The following TNFRSF11A variants were observed in gnomAD, a reference collection of about 807,000 sequenced individuals.
The protein encoded by TNFRSF11A is tumor necrosis factor receptor superfamily member 11A.
A neutral mutation model predicts 55.7 loss-of-function variants in TNFRSF11A; 32 were observed. The ratio of observed to expected loss-of-function variants is 0.57; its 90% confidence interval spans 0.43 to 0.77. TNFRSF11A has a LOEUF of 0.77. Ranked by LOEUF, TNFRSF11A falls within the 30% of genes least tolerant of loss-of-function variation. The pLI is 0.00. For missense variants in TNFRSF11A, 753 were observed against 809.8 expected, an observed-to-expected ratio of 0.93 and a Z score of 0.85; for synonymous variants, 311 against 331.0, an observed-to-expected ratio of 0.94 and a Z score of 0.65.
At chr18:62,345,533 A>T (rs2046370450) in intron 1 of TNFRSF11A, among the ~76,000 whole-genome samples, 1 of 152,186 alleles carries the variant, frequency 6.6e-6, no homozygotes, top group South Asian at 2.1e-4. Context: ...CAATTTTCCC[A>T]GCAGCAAAAT....
At chr18:62,359,122 G>A (rs992729553) in intron 5 of TNFRSF11A, among the ~76,000 whole-genome samples, 1 of 152,064 alleles carries the variant, frequency 6.6e-6, no homozygotes, top group Non-Finnish European at 1.5e-5. Flanking sequence ...ATGGTGGCAC[G>A]TGCCTGTAAT....
intron 9 of TNFRSF11A, among the ~76,000 whole-genome samples, chr18:62,371,389 T>C (rs1021837984): frequency 3.9e-5 from 6 of 152,204 alleles, no homozygotes; most frequent in East Asian, 1.9e-4. Context: ...ATGGATCTTT[T>C]AATGCCATAA....
intron 9 of TNFRSF11A, among the ~76,000 whole-genome samples, chr18:62,384,333 C>A (rs1911508782): frequency 6.9e-6 from 1 of 145,368 alleles, no homozygotes; most frequent in Non-Finnish European, 1.5e-5. Context: ...CTCTCCTCCT[C>A]CTCCTCTTCC....
intron 8 of TNFRSF11A, chr18:62,367,539 G>A (rs1910178279): frequency 6.6e-6 from 1 of 152,294 alleles, no homozygotes; most frequent in Non-Finnish European, 1.5e-5. Flanking sequence ...CTGTATGTGT[G>A]TATATGAACA....
At chr18:62,365,159 A>T (rs1909987256) in intron 7 of TNFRSF11A, among the ~76,000 whole-genome samples, 1 of 151,870 alleles carries the variant, frequency 6.6e-6, no homozygotes, top group Non-Finnish European at 1.5e-5. Context: ...GTGGGGTTTC[A>T]CCATGTTGCC....
intron 3 of TNFRSF11A, among the ~76,000 whole-genome samples, chr18:62,350,524 C>G (rs2046451872): frequency 6.6e-6 from 1 of 152,060 alleles, no homozygotes; most frequent in African/African-American, 2.4e-5. Context: ...GATCTCCTGA[C>G]CTTGTGATCT....
rs554038325 is a variant in TNFRSF11A, at chr18:62,383,100, A to G, written c.1568-1651A>G. Reference sequence around the variant, plus strand: ...GGGTAGGTGGTAAACAGGAATGCCAACGGGCCTCCCTCATGCTAATTGGGG... The same window carrying G: ...GGGTAGGTGGTAAACAGGAATGCCAGCGGGCCTCCCTCATGCTAATTGGGG... On this transcript the variant is annotated intron_variant, in intron 9 of 9. Coordinates refer to ENST00000586569, the MANE Select transcript of TNFRSF11A (RefSeq NM_003839.4). This position sits in a 1 kb window ranked among gnomAD's most constrained non-coding sequence, Gnocchi z 4.2. 1.3e-5 allele frequency among the ~76,000 whole-genome samples: 2 copies of G among 152,248 alleles called. No homozygotes were observed. The highest frequency in any genetic ancestry group is 2.4e-5 in the African/African-American group (1 of 41,552).
At chr18:62,363,115 A>G (rs549487410) in intron 7 of TNFRSF11A, among the ~76,000 whole-genome samples, 5 of 152,058 alleles carry the variant, frequency 3.3e-5, no homozygotes, top group African/African-American at 2.4e-5. Flanking sequence ...AAGTGCTGGG[A>G]TTACAGGCGT....
rs116478730 is a variant in TNFRSF11A, at chr18:62,339,893, G to A, written c.76-8275G>A. Among the ~76,000 whole-genome samples, 785 of 152,244 alleles carry A rather than the reference G, an allele frequency of 5.2e-3. 11 individuals are homozygous for A. The highest frequency in any genetic ancestry group is 0.018 in the African/African-American group (748 of 41,542). ...ATGTGTGTGGGGAGAGGACTGATTC[G>A]TTATTTGTAATTTTCAGTGAGACCA... On this transcript the variant is annotated intron_variant, in intron 1 of 9. Coordinates refer to ENST00000586569, the MANE Select transcript of TNFRSF11A (RefSeq NM_003839.4).
At position 62,341,452 on chromosome 18, in the gene TNFRSF11A, G is replaced by A. The variant is rs150875260; in HGVS notation, c.76-6716G>A. On this transcript the variant is annotated intron_variant, in intron 1 of 9. Transcript: ENST00000586569. ...TGTCAGGCCTTGAGAACTTGTCTCT[G>A]GGTACCCAGTTTATCTTTTCCATCA... Among the ~76,000 whole-genome samples the A allele has an allele frequency of 1.7e-3, 258 of 152,304 alleles. 1 individual carries two copies. In the East Asian group the frequency reaches 0.022, roughly 13 times the overall value.
rs1911838118 is a variant in TNFRSF11A, at chr18:62,387,829, A to T, written c.*2795A>T. 1 of 152,218 alleles carries T rather than the reference A, an allele frequency of 6.6e-6. No individual in the cohort carries two copies. The highest frequency in any genetic ancestry group is 1.5e-5 in the Non-Finnish European group (1 of 68,052). 9.4% of individuals were successfully genotyped at this position (152,218 alleles called of 1,614,324 possible). Reference sequence around the variant, plus strand: ...ACCCAAAGACTTAGTGGCTTAAAATAGTCACCATTGGCCAGGCACAGCGGT... The same window carrying T: ...ACCCAAAGACTTAGTGGCTTAAAATTGTCACCATTGGCCAGGCACAGCGGT... On this transcript the variant is annotated 3_prime_UTR_variant, in exon 10 of 10. Transcript: ENST00000586569.
In TNFRSF11A at chr18:62,358,000, T is replaced by A. The variant is rs893046901; in HGVS notation, c.428-248T>A. 67 of 501,772 alleles carry A rather than the reference T, an allele frequency of 1.3e-4. 1 individual carries two copies. Among genetic ancestry groups the A allele is most frequent in the South Asian group, 1.2e-3 (59 of 48,122 alleles). The allele number at this position is 501,772 out of a possible 1,614,324, so 31.1% of individuals were successfully genotyped here. A position where few individuals can be genotyped will look rare whatever the true frequency, so the allele number is the denominator to read the frequency against. The stretch of plus-strand genomic sequence containing the variant: ...ACATACCAGTGTTAGTGGCCTGACA[T>A]CAAGTCAGTTACCTTTCTGAGCGTG... On this transcript the variant is annotated intron_variant, in intron 4 of 9. Transcript: ENST00000586569.
At chr18:62,362,615 C>T (rs1909779843) in intron 7 of TNFRSF11A, among the ~76,000 whole-genome samples, 2 of 151,808 alleles carry the variant, frequency 1.3e-5, no homozygotes, top group Non-Finnish European at 2.9e-5. Flanking sequence ...ATAATTTTCC[C>T]ACACAAATTT....
chr18:62,352,649 A>G (rs908953322), intron 3 of TNFRSF11A, among the ~76,000 whole-genome samples: 2 of 152,328 alleles, frequency 1.3e-5, no homozygotes, highest in Admixed American at 6.5e-5. Context: ...TTCGGATGGG[A>G]TCCTAGGAGT....
chr18:62,356,911 TGGA>T (rs1909303063), intron 4 of TNFRSF11A, among the ~76,000 whole-genome samples: 1 of 152,216 alleles, frequency 6.6e-6, no homozygotes, highest in African/African-American at 2.4e-5. Flanking sequence ...AGTCAAGCTA[TGGA>T]AATTAACACC....
rs1911717271 is a variant in TNFRSF11A, at chr18:62,386,158, A to C, written c.*1124A>C. The C allele has an allele frequency of 6.6e-6, 1 of 152,156 alleles. No individual in the cohort carries two copies. The highest frequency in any genetic ancestry group is 2.4e-5 in the African/African-American group (1 of 41,438). 9.4% of individuals were successfully genotyped at this position (152,156 alleles called of 1,614,324 possible). A position where few individuals can be genotyped will look rare whatever the true frequency, so the allele number is the denominator to read the frequency against. On this transcript the variant is annotated 3_prime_UTR_variant, in exon 10 of 10. Transcript: ENST00000586569. ...AAACTCCAAGTTGCTGCAGCTTGGC[A>C]TTCTTCTTATTCTAGAGGTCTCTCT... is the stretch of plus-strand genomic sequence containing the variant.
In TNFRSF11A at chr18:62,385,041, C is replaced by G. The variant is rs1911617715; in HGVS notation, c.*7C>G. On this transcript the variant is annotated 3_prime_UTR_variant, in exon 10 of 10. Transcript: ENST00000586569. ...AGGCGGGGCCAAGGCTTGAGCGCCC[C>G]CCATGGCTGGGAGCCCGAAGCTCGG... 2 of 1,468,544 alleles carry G rather than the reference C, an allele frequency of 1.4e-6. No homozygotes were observed. The highest frequency in any genetic ancestry group is 1.5e-5 in the African/African-American group (1 of 67,644). The allele number at this position is 1,468,544 out of a possible 1,614,324, so 91.0% of individuals were successfully genotyped here. A position where few individuals can be genotyped will look rare whatever the true frequency, so the allele number is the denominator to read the frequency against.
intron 1 of TNFRSF11A, among the ~76,000 whole-genome samples, chr18:62,326,781 G>T (rs998530358): frequency 2.0e-5 from 3 of 152,156 alleles, no homozygotes; most frequent in African/African-American, 7.2e-5. Context: ...CTTTCATTAT[G>T]CATGTTTAAA....
intron 7 of TNFRSF11A, among the ~76,000 whole-genome samples, chr18:62,362,166 G>C (rs1031981804): frequency 7.9e-5 from 12 of 152,054 alleles, no homozygotes; most frequent in African/African-American, 2.9e-4. Flanking sequence ...TGACCGGTAG[G>C]GGGGAATTTC....
Sources: allele counts gnomAD v4.1 joint callset (sites outside exome capture counted in the v4.1 genomes callset), GRCh38; gene constraint gnomAD v4.1.1; non-coding constraint Gnocchi (gnomAD v3.1); transcripts MANE v1.5; gene names NCBI Gene and HGNC (gene_info 2026-07-23, HGNC 2026-07-21).